Variants in RAPGEF2 observed in about 807,000 individuals in gnomAD.
RAPGEF2 encodes PDZ domain containing guanine nucleotide exchange factor (GEF) 1.
A neutral mutation model predicts 186.7 loss-of-function variants in RAPGEF2; 54 were observed. That is an observed-to-expected ratio of 0.29 (90% CI 0.23 to 0.36). The LOEUF is 0.36. Among genes scored for constraint, RAPGEF2 ranks in the 10% least tolerant of loss-of-function variants. The pLI is 1.00. For missense variants in RAPGEF2, 1,532 were observed against 2,045.0 expected (o/e 0.75, Z 4.84); for synonymous variants, 712 against 705.9 (o/e 1.01, Z -0.14).
chr4:159,215,175 T>C (rs2111384919), intron 4 of RAPGEF2, among the ~76,000 whole-genome samples: 1 of 151,478 alleles, frequency 6.6e-6, no homozygotes, highest in Admixed American at 6.6e-5. Flanking sequence ...TTGTTGTTGT[T>C]TGTTTGGTTT....
chr4:159,193,797 A>G (rs1320993799), intron 3 of RAPGEF2, among the ~76,000 whole-genome samples: 2 of 152,224 alleles, frequency 1.3e-5, no homozygotes, highest in African/African-American at 2.4e-5. Flanking sequence ...ATTAACATAA[A>G]TTATGATTTA....
chr4:159,271,652 A>T (rs1409588053), intron 7 of RAPGEF2, among the ~76,000 whole-genome samples: 1 of 152,188 alleles, frequency 6.6e-6, no homozygotes, highest in East Asian at 1.9e-4. Context: ...GACTTGTACT[A>T]CCTACCCCTA....
At chr4:159,159,934 A>G (rs1744529468) in intron 1 of RAPGEF2, among the ~76,000 whole-genome samples, 1 of 152,220 alleles carries the variant, frequency 6.6e-6, no homozygotes, top group South Asian at 2.1e-4. Context: ...TAACACAGGT[A>G]TTATTGATCT....
Position 159,314,761 on chromosome 4 carries a change from T to C in RAPGEF2, c.846T>C (p.Asp282=). The C allele has an allele frequency of 6.3e-7, 1 of 1,596,358 alleles. No individual in the cohort carries two copies. The highest frequency in any genetic ancestry group is 1.4e-5 in the African/African-American group (1 of 73,766). The change falls in exon 9 of 30, where the codon GAT becomes GAC. Residue 282 remains aspartate (D), a synonymous_variant. Coordinates refer to ENST00000691494, the MANE Select transcript of RAPGEF2 (RefSeq NM_001394067.2). ...AGGACCCAATTGACCGGACAGATGA[T>C]GACATTGGTAAGCTTGAACAGGAAA... ...LEKDPIDRTD[D]DIEQLLEFMH... is the part of the protein sequence containing the mutation.
At chr4:159,158,874 T>C (rs796925992) in intron 1 of RAPGEF2, among the ~76,000 whole-genome samples, 8 of 152,328 alleles carry the variant, frequency 5.3e-5, no homozygotes, top group African/African-American at 1.9e-4. Flanking sequence ...TTCACTCTTA[T>C]TTGGGTTTTT....
intron 7 of RAPGEF2, among the ~76,000 whole-genome samples, chr4:159,255,757 C>A (rs1756085941): frequency 6.6e-6 from 1 of 151,924 alleles, no homozygotes; most frequent in South Asian, 2.1e-4. Flanking sequence ...ATTGTAAATA[C>A]CATGTTTTGT....
At position 159,330,103 on chromosome 4, in the gene RAPGEF2, A is replaced by G. The variant is rs996081631; in HGVS notation, c.1302+93A>G. Reference sequence around the variant, plus strand: ...AGGATTTTTTTTCATTTTTAGGCCTATCTCTTAAAGGTTATCAGTTGTGAA... The same window carrying G: ...AGGATTTTTTTTCATTTTTAGGCCTGTCTCTTAAAGGTTATCAGTTGTGAA... On this transcript the variant is annotated intron_variant, in intron 12 of 29. Transcript: ENST00000691494. 36 of 1,320,130 alleles carry G rather than the reference A, an allele frequency of 2.7e-5. No homozygotes were observed. In the African/African-American group the frequency reaches 3.9e-4, roughly 14 times the overall value. 81.8% of individuals were successfully genotyped at this position (1,320,130 alleles called of 1,614,324 possible). A position where few individuals can be genotyped will look rare whatever the true frequency, so the allele number is the denominator to read the frequency against.
chr4:159,300,357 G>A (rs1762505724), intron 7 of RAPGEF2, among the ~76,000 whole-genome samples: 2 of 151,676 alleles, frequency 1.3e-5, no homozygotes, highest in Admixed American at 1.3e-4. Flanking sequence ...TATTAAAATT[G>A]TCATTCACAG....
intron 20 of RAPGEF2, among the ~76,000 whole-genome samples, chr4:159,342,766 T>C (rs1561317607): frequency 6.6e-6 from 1 of 151,960 alleles, no homozygotes; most frequent in African/African-American, 2.4e-5. Context: ...GGTAGGTCTA[T>C]ACGGAAGAGA....
intron 4 of RAPGEF2, among the ~76,000 whole-genome samples, chr4:159,229,815 G>C (rs1317678351): frequency 6.6e-6 from 1 of 152,156 alleles, no homozygotes; most frequent in Non-Finnish European, 1.5e-5. Flanking sequence ...TTGTTCCTTA[G>C]TCATACTGAG....
chr4:159,177,214 CTT>C (rs11362763), intron 1 of RAPGEF2, among the ~76,000 whole-genome samples: 458 of 138,778 alleles, frequency 3.3e-3, no homozygotes, highest in Middle Eastern at 7.9e-3. Flanking sequence ...ATTCATTCAA[CTT>C]TTTTTTTTTT....
intron 3 of RAPGEF2, among the ~76,000 whole-genome samples, chr4:159,199,116 A>T (rs1749125231): frequency 6.6e-6 from 1 of 151,590 alleles, no homozygotes; most frequent in Non-Finnish European, 1.5e-5. Context: ...AAAAAATGGC[A>T]TCTTTAAAGA....
At chr4:159,342,483 T>C (rs1039112544) in intron 20 of RAPGEF2, among the ~76,000 whole-genome samples, 1 of 151,504 alleles carries the variant, frequency 6.6e-6, no homozygotes, top group Non-Finnish European at 1.5e-5. Flanking sequence ...ATTAGTCATT[T>C]TCTCTGTCTG....
intron 2 of RAPGEF2, among the ~76,000 whole-genome samples, chr4:159,189,199 C>T (rs1417381239): frequency 6.6e-6 from 1 of 152,174 alleles, no homozygotes; most frequent in Non-Finnish European, 1.5e-5. Context: ...TCAAGATTTT[C>T]AGTCTGTTAA....
At chr4:159,241,825 TTTTTA>T (rs1208243139) in intron 6 of RAPGEF2, among the ~76,000 whole-genome samples, 1 of 152,076 alleles carries the variant, frequency 6.6e-6, no homozygotes, top group Non-Finnish European at 1.5e-5. Flanking sequence ...TCATCCCTGT[TTTTTA>T]TTTTAAAAGT....
At chr4:159,257,366 A>G (rs1756301746) in intron 7 of RAPGEF2, among the ~76,000 whole-genome samples, 1 of 152,224 alleles carries the variant, frequency 6.6e-6, no homozygotes, top group Non-Finnish European at 1.5e-5. Context: ...GGATAGCAGC[A>G]GGCAAAGAGA....
chr4:159,221,102 A>G (rs1294997537), intron 4 of RAPGEF2, among the ~76,000 whole-genome samples: 2 of 152,202 alleles, frequency 1.3e-5, no homozygotes, highest in East Asian at 1.9e-4. Flanking sequence ...TGTTGGCTGG[A>G]TATTGGTTTT....
At chr4:159,230,404 A>C (rs925978154) in intron 4 of RAPGEF2, among the ~76,000 whole-genome samples, 4 of 152,232 alleles carry the variant, frequency 2.6e-5, no homozygotes, top group Admixed American at 6.5e-5. Flanking sequence ...TATACACACA[A>C]AGACTGAAAC....
At chr4:159,299,746 A>G (rs1313356749) in intron 7 of RAPGEF2, among the ~76,000 whole-genome samples, 2 of 152,130 alleles carry the variant, frequency 1.3e-5, no homozygotes, top group Non-Finnish European at 1.5e-5. Flanking sequence ...TTTATTAGCT[A>G]GTAATTTTAT....
Sources: allele counts gnomAD v4.1 joint callset (sites outside exome capture counted in the v4.1 genomes callset), GRCh38; gene constraint gnomAD v4.1.1; transcripts MANE v1.5; gene names NCBI Gene and HGNC (gene_info 2026-07-23, HGNC 2026-07-21).